The following CCL28 variants were observed in gnomAD, a reference collection of about 807,000 sequenced individuals.
CCL28 encodes C-C motif chemokine ligand 28.
In CCL28, 4 loss-of-function variants were observed where a neutral mutation model predicts 7.1. That is an observed-to-expected ratio of 0.56 (90% CI 0.28 to 1.29). The LOEUF is 1.29. Ranked by LOEUF, CCL28 falls within the 50% of genes most tolerant of loss-of-function variation. CCL28 has a pLI of 0.11. For synonymous variants in CCL28, 55 were observed against 57.8 expected, an observed-to-expected ratio of 0.95 and a Z score of 0.22; for missense variants, 151 against 163.4, an observed-to-expected ratio of 0.92 and a Z score of 0.41.
At chr5:43,407,814 T>G (rs1741354826) in intron 1 of CCL28, among the ~76,000 whole-genome samples, 1 of 125,342 alleles carries the variant, frequency 8.0e-6, no homozygotes, top group South Asian at 2.4e-4. Context: ...ATCAACCCCA[T>G]CAAAAAGTGG....
intron 1 of CCL28, among the ~76,000 whole-genome samples, chr5:43,407,883 G>GAA (rs1349670466): frequency 1.1e-5 from 1 of 87,564 alleles, no homozygotes; most frequent in Non-Finnish European, 2.4e-5. Flanking sequence ...AACAGACCAT[G>GAA]AAAAAATGCT....
At chr5:43,364,038 G>A in the CCL28 span, among the ~76,000 whole-genome samples, 1 of 151,996 alleles carries the variant, frequency 6.6e-6, no homozygotes, top group Non-Finnish European at 1.5e-5. Flanking sequence ...TTTGGGAGAG[G>A]GACAGGGATA....
chr5:43,374,645 A>G (rs1051858672), downstream of CCL28, among the ~76,000 whole-genome samples: 4 of 151,842 alleles, frequency 2.6e-5, no homozygotes, highest in African/African-American at 9.7e-5. Flanking sequence ...GCTGAGTGTG[A>G]TGGTGCACGC....
intron 1 of CCL28, among the ~76,000 whole-genome samples, chr5:43,408,150 A>G (rs1244817441): frequency 1.3e-5 from 2 of 152,256 alleles, no homozygotes; most frequent in African/African-American, 4.8e-5. Context: ...CATTTACCCA[A>G]AGGATTATAA....
At chr5:43,367,289 T>A in the CCL28 span, among the ~76,000 whole-genome samples, 3 of 152,094 alleles carry the variant, frequency 2.0e-5, no homozygotes, top group African/African-American at 7.2e-5. Flanking sequence ...TGAAAAAAAA[T>A]CTCCTGCAGC....
At chr5:43,357,029 G>A in the CCL28 span, among the ~76,000 whole-genome samples, 1 of 152,192 alleles carries the variant, frequency 6.6e-6, no homozygotes, top group African/African-American at 2.4e-5. Flanking sequence ...GGGGTCAGCT[G>A]ATCCAGAGTG....
the CCL28 span, among the ~76,000 whole-genome samples, chr5:43,368,442 C>A: frequency 1.0e-3 from 157 of 152,196 alleles, 1 homozygote; most frequent in Non-Finnish European, 1.9e-3. Context: ...TGTGGCCATG[C>A]GGCTAACTGC....
At chr5:43,371,166 T>A in the CCL28 span, among the ~76,000 whole-genome samples, 2 of 152,246 alleles carry the variant, frequency 1.3e-5, no homozygotes, top group Non-Finnish European at 2.9e-5. Flanking sequence ...TACACCTATA[T>A]CAAGCAACAG....
intron 1 of CCL28, among the ~76,000 whole-genome samples, chr5:43,397,543 C>T (rs930681279): frequency 6.6e-6 from 1 of 151,884 alleles, no homozygotes; most frequent in South Asian, 2.1e-4. Flanking sequence ...TTTAAGGGAC[C>T]GCCAAAAGAA....
chr5:43,371,324 T>C, the CCL28 span, among the ~76,000 whole-genome samples: 1 of 152,198 alleles, frequency 6.6e-6, no homozygotes, highest in African/African-American at 2.4e-5. Context: ...GAATGGATGA[T>C]TCCAGCCTCC....
chr5:43,399,280 T>A (rs529869433), intron 1 of CCL28, among the ~76,000 whole-genome samples: 1 of 152,324 alleles, frequency 6.6e-6, no homozygotes, highest in South Asian at 2.1e-4. Flanking sequence ...CTCCTCTTTC[T>A]CCTTGTTACC....
the CCL28 span, among the ~76,000 whole-genome samples, chr5:43,357,900 C>A: frequency 6.6e-6 from 1 of 152,212 alleles, no homozygotes; most frequent in African/African-American, 2.4e-5. Context: ...CAGTGTGACA[C>A]TCCCACCTCC....
rs1324879991 is a variant in CCL28 at position 43,380,074 on chromosome 5, T to C, written c.*1786A>G. 6.6e-6 allele frequency: 1 copy of C among 152,180 alleles called. No individual in the cohort carries two copies. The highest frequency in any genetic ancestry group is 1.9e-4 in the East Asian group (1 of 5,188). 9.4% of individuals were successfully genotyped at this position (152,180 alleles called of 1,614,324 possible). A position where few individuals can be genotyped will look rare whatever the true frequency, so the allele number is the denominator to read the frequency against. On this transcript the variant is annotated 3_prime_UTR_variant, in exon 3 of 3. Coordinates refer to ENST00000361115, the MANE Select transcript of CCL28 (RefSeq NM_148672.3). ...AGGCGGAGGTTGCAATGAGCCGAGA[T>C]TGTGCCACTGCACTCCAGCCTGGGC...
At chr5:43,389,645 CAGA>C (rs940585593) in intron 1 of CCL28, among the ~76,000 whole-genome samples, 1 of 152,122 alleles carries the variant, frequency 6.6e-6, no homozygotes, top group Non-Finnish European at 1.5e-5. Context: ...AGTCTTAAGC[CAGA>C]AGAGTACCGG....
chr5:43,357,084 T>A, the CCL28 span, among the ~76,000 whole-genome samples: 1 of 152,168 alleles, frequency 6.6e-6, no homozygotes, highest in Admixed American at 6.5e-5. Flanking sequence ...CTGGCCAGTT[T>A]AGATCTGTGC....
At chr5:43,391,030 T>C (rs150501956) in intron 1 of CCL28, among the ~76,000 whole-genome samples, 392 of 152,334 alleles carry the variant, frequency 2.6e-3, no homozygotes, top group African/African-American at 8.9e-3. Flanking sequence ...TTAAAAATAA[T>C]GGTGTGCTTC....
chr5:43,408,497 G>A (rs754582057), intron 1 of CCL28, among the ~76,000 whole-genome samples: 11 of 152,322 alleles, frequency 7.2e-5, no homozygotes, highest in Non-Finnish European at 1.3e-4. Context: ...CGTAAGGTGG[G>A]GGGAGCGGGG....
the CCL28 span, among the ~76,000 whole-genome samples, chr5:43,359,965 G>A: frequency 6.6e-6 from 1 of 151,868 alleles, no homozygotes; most frequent in Non-Finnish European, 1.5e-5. Context: ...CTAGTCCCCT[G>A]CCCACCAAAT....
intron 1 of CCL28, among the ~76,000 whole-genome samples, chr5:43,399,734 T>A (rs1256033664): frequency 6.6e-6 from 1 of 152,160 alleles, no homozygotes; most frequent in African/African-American, 2.4e-5. Context: ...ATTGAAGTAA[T>A]AAGGGGTCAG....
Sources: gnomAD v4.1 joint callset for allele counts (sites outside exome capture counted in the v4.1 genomes callset) on GRCh38, gnomAD v4.1.1 for gene constraint, MANE v1.5 for transcripts, NCBI Gene and HGNC (gene_info 2026-07-23, HGNC 2026-07-21) for gene names.